The following YY1 variants were observed in gnomAD, a reference collection of about 807,000 sequenced individuals.
YY1 encodes the protein transcriptional repressor protein YY1.
Under a neutral mutation model 35.6 loss-of-function variants are expected in YY1, and 2 were observed. The ratio of observed to expected loss-of-function variants is 0.06; its 90% confidence interval spans 0.02 to 0.18. The LOEUF (loss-of-function observed/expected upper bound fraction) is 0.18. YY1 is among the 10% of genes least tolerant of loss of function. The probability of loss-of-function intolerance (pLI) is 1.00; values close to 1 mark genes in which losing one functional copy is unlikely to be tolerated. For synonymous variants in YY1, 268 were observed against 238.9 expected (o/e 1.12, Z -1.12); for missense variants, 322 against 573.4 (o/e 0.56, Z 4.48).
At chr14:100,249,748 G>GTTTTTTTTTTTTGTTTTTTT (rs57119106) in intron 1 of YY1, among the ~76,000 whole-genome samples, 1 of 141,032 alleles carries the variant, frequency 7.1e-6, no homozygotes, top group Non-Finnish European at 1.5e-5. Context: ...GCTACTTACC[G>GTTTTTTTTTTTTGTTTTTTT]TTTTTTTTTT....
intron 1 of YY1, among the ~76,000 whole-genome samples, chr14:100,242,378 GTTTTTTTTTTTTTT>G (rs57406488): frequency 9.1e-6 from 1 of 109,936 alleles, no homozygotes; most frequent in African/African-American, 3.1e-5. Context: ...TTTGTTTTTT[GTTTTTTTTTTTTTT>G]TTTTTTTTTT....
intron 2 of YY1, among the ~76,000 whole-genome samples, chr14:100,274,129 C>A (rs1490849198): frequency 2.0e-5 from 3 of 152,122 alleles, no homozygotes; most frequent in Admixed American, 1.3e-4. Context: ...TATTTAATAT[C>A]TATAAATCTT....
chr14:100,248,272 C>G (rs370398829), intron 1 of YY1, among the ~76,000 whole-genome samples: 1 of 151,692 alleles, frequency 6.6e-6, no homozygotes, highest in African/African-American at 2.4e-5. Context: ...CCCACCACCA[C>G]GCCTGGCTAA....
chr14:100,253,882 G>A (rs1890961593), intron 1 of YY1, among the ~76,000 whole-genome samples: 1 of 152,126 alleles, frequency 6.6e-6, no homozygotes, highest in African/African-American at 2.4e-5. Context: ...TCAGGGTGGA[G>A]TGCAATGGCA....
Position 100,258,644 on chromosome 14 carries a change from C to T in YY1, c.680-3660C>T, listed in dbSNP as rs140871716. On this transcript the variant is annotated intron_variant, in intron 1 of 4. Coordinates refer to ENST00000262238, the MANE Select transcript of YY1 (RefSeq NM_003403.5). ...CTGGGATTACAGGCGTGAGCCACCA[C>T]GCCCGGCCCTCATGAGTTTACATCA... Among the ~76,000 whole-genome samples, 70 of 152,322 alleles carry T rather than the reference C, an allele frequency of 4.6e-4. 2 individuals carry two copies. The highest frequency in any genetic ancestry group is 1.5e-3 in the African/African-American group (64 of 41,570).
At chr14:100,251,725 C>G (rs138057831) in intron 1 of YY1, among the ~76,000 whole-genome samples, 2 of 152,278 alleles carry the variant, frequency 1.3e-5, no homozygotes, top group African/African-American at 4.8e-5. Flanking sequence ...CTTATAAGAT[C>G]AGTGGTATCC....
intron 1 of YY1, among the ~76,000 whole-genome samples, chr14:100,242,135 G>A (rs1005358601): frequency 2.0e-5 from 3 of 152,158 alleles, no homozygotes; most frequent in Non-Finnish European, 4.4e-5. Context: ...CTCATAGTGT[G>A]TGGAATTAGA....
intron 1 of YY1, among the ~76,000 whole-genome samples, chr14:100,255,918 T>C (rs935193579): frequency 3.3e-5 from 5 of 152,106 alleles, no homozygotes; most frequent in Non-Finnish European, 7.3e-5. Flanking sequence ...TTATAATCCT[T>C]CTCCTCTCTG....
chr14:100,243,968 C>T lies in YY1; in HGVS notation c.679+4045C>T, dbSNP rs967496945. On this transcript the variant is annotated intron_variant, in intron 1 of 4. Transcript: ENST00000262238. Reference sequence around the variant, plus strand: ...AAAATACAAAAAGAAATTAGCCGGGCGCTGTGGCGGGTGCCTGTAGTGCCA... The same window carrying T: ...AAAATACAAAAAGAAATTAGCCGGGTGCTGTGGCGGGTGCCTGTAGTGCCA... Among the ~76,000 whole-genome samples the T allele has an allele frequency of 4.6e-5, 7 of 152,124 alleles. No homozygotes were observed. The East Asian group carries it at 9.7e-4, about 21-fold the overall frequency.
intron 1 of YY1, among the ~76,000 whole-genome samples, chr14:100,241,844 G>A (rs1188551005): frequency 1.3e-5 from 2 of 152,044 alleles, no homozygotes; most frequent in African/African-American, 4.8e-5. Context: ...CGTGATGGCG[G>A]GAGCCCGTAA....
At chr14:100,267,448 T>C (rs1309651526) in intron 2 of YY1, among the ~76,000 whole-genome samples, 1 of 152,156 alleles carries the variant, frequency 6.6e-6, no homozygotes, top group Admixed American at 6.5e-5. Context: ...GCCTTGACAG[T>C]GTAAAAAGTA....
chr14:100,276,727 AG>A lies in YY1; in HGVS notation c.1062+81del. On this transcript the variant is annotated intron_variant, in intron 4 of 4. Coordinates refer to ENST00000262238, the MANE Select transcript of YY1 (RefSeq NM_003403.5). The surrounding 1 kb of genome is among the most constrained non-coding windows in gnomAD (Gnocchi z 4.1). ...AGTGTAGGTGGTGTGGTGATGAGGC[AG>A]GAGGCGCCAGCCCAGAGACTCAGGG... is the stretch of plus-strand genomic sequence containing the variant. 6.2e-7 allele frequency: 1 copy of A among 1,602,222 alleles called. No individual in the cohort carries two copies. Among genetic ancestry groups the A allele is most frequent in the Non-Finnish European group, 8.5e-7 (1 of 1,173,274 alleles).
chr14:100,254,393 CA>C (rs1472121252), intron 1 of YY1, among the ~76,000 whole-genome samples: 1 of 152,210 alleles, frequency 6.6e-6, no homozygotes, highest in African/African-American at 2.4e-5. Context: ...CTTCTGGCAA[CA>C]AAAGCCAGTG....
chr14:100,267,281 GT>G (rs1231682151), intron 2 of YY1, among the ~76,000 whole-genome samples: 2 of 152,140 alleles, frequency 1.3e-5, no homozygotes, highest in Admixed American at 6.5e-5. Context: ...CAGCTCCTAT[GT>G]TGTATACTTG....
rs1230068871 is a variant in YY1 at position 100,278,836 on chromosome 14, A to G, written c.*1236A>G. 1.3e-5 allele frequency: 2 copies of G among 152,248 alleles called. No individual in the cohort carries two copies. The highest frequency in any genetic ancestry group is 4.8e-5 in the African/African-American group (2 of 41,470). 9.4% of individuals were successfully genotyped at this position (152,248 alleles called of 1,614,324 possible). Reference sequence around the variant, plus strand: ...GTAAGGTGCCACCTGGCAGTGGGGCACACAGAGGGAAGACCAGGCCTGTCC... The same window carrying G: ...GTAAGGTGCCACCTGGCAGTGGGGCGCACAGAGGGAAGACCAGGCCTGTCC... On this transcript the variant is annotated 3_prime_UTR_variant, in exon 5 of 5. Coordinates refer to ENST00000262238, the MANE Select transcript of YY1 (RefSeq NM_003403.5).
chr14:100,270,873 A>G (rs1297136514), intron 2 of YY1, among the ~76,000 whole-genome samples: 1 of 152,198 alleles, frequency 6.6e-6, no homozygotes, highest in African/African-American at 2.4e-5. Flanking sequence ...ACATCTCTAC[A>G]AAAACAAAAT....
chr14:100,254,755 C>A (rs1890976477), intron 1 of YY1, among the ~76,000 whole-genome samples: 1 of 148,938 alleles, frequency 6.7e-6, no homozygotes, highest in Non-Finnish European at 1.5e-5. Flanking sequence ...CCATGCCTAG[C>A]CTATTTTATT....
intron 1 of YY1, among the ~76,000 whole-genome samples, chr14:100,261,150 TGTC>T (rs1313577052): frequency 6.6e-6 from 1 of 152,034 alleles, no homozygotes; most frequent in Admixed American, 6.6e-5. Flanking sequence ...CAAATAGAGA[TGTC>T]GTACATTTCT....
rs1291681998 is a variant in YY1 at position 100,281,040 on chromosome 14, A to ACAGAG, written c.*3443_*3447dup. On this transcript the variant is annotated 3_prime_UTR_variant, in exon 5 of 5. Transcript: ENST00000262238. ...GCACCACTGCACTCCAGCCTGGGTG[A>ACAGAG]CAGAGCAAGACTCCGTCTCCCAAAA... 7.4e-6 allele frequency: 1 copy of ACAGAG among 135,956 alleles called. No individual in the cohort carries two copies. The highest frequency in any genetic ancestry group is 2.8e-5 in the African/African-American group (1 of 35,586). The allele number at this position is 135,956 out of a possible 1,614,324, so 8.4% of individuals were successfully genotyped here. A position where few individuals can be genotyped will look rare whatever the true frequency, so the allele number is the denominator to read the frequency against.
Sources: allele counts gnomAD v4.1 joint callset (sites outside exome capture counted in the v4.1 genomes callset), GRCh38; gene constraint gnomAD v4.1.1; non-coding constraint Gnocchi (gnomAD v3.1); transcripts MANE v1.5; gene names NCBI Gene and HGNC (gene_info 2026-07-23, HGNC 2026-07-21).